IRAG1: variants seen among roughly 807,000 people sequenced by gnomAD.
IRAG1 encodes the protein inositol 1,4,5-triphosphate receptor associated 1.
Under a neutral mutation model 106.2 loss-of-function variants are expected in IRAG1, and 62 were observed. The observed-to-expected ratio is 0.58, with a 90% CI of 0.48 to 0.72. The LOEUF is 0.72. Among genes scored for constraint, IRAG1 ranks in the 30% least tolerant of loss-of-function variants. The pLI is 0.00. For missense variants in IRAG1, 1,064 were observed against 1,140.7 expected (o/e 0.93, Z 0.97); for synonymous variants, 462 against 443.9 (o/e 1.04, Z -0.51).
chr11:10,582,082 A>T, intron 18 of IRAG1, 96 bp from the exon 19 acceptor site: 2 of 1,413,150 alleles, frequency 1.4e-6, no homozygotes, highest in Non-Finnish European at 1.9e-6. Flanking sequence ...ATTAGGAGTG[A>T]GGAAACTCAG....
rs1345144180 is a variant in IRAG1 at position 10,631,982 on chromosome 11, G to A, written c.400+9C>T. 1 of 1,612,692 alleles carries A rather than the reference G, an allele frequency of 6.2e-7. No individual in the cohort carries two copies. Among genetic ancestry groups the A allele is most frequent in the Non-Finnish European group, 8.5e-7 (1 of 1,179,090 alleles). ...TACTCAACATGCCTTAGATTGCCCT[G>A]GTCCTTACCCACAGATGTCAGGGAG... is the stretch of plus-strand genomic sequence containing the variant. On this transcript the variant is annotated intron_variant, in intron 4 of 20. Coordinates refer to ENST00000423302, the MANE Select transcript of IRAG1 (RefSeq NM_130385.4).
At chr11:10,596,207 T>C (rs1416822400) in intron 15 of IRAG1, among the ~76,000 whole-genome samples, 1 of 152,250 alleles carries the variant, frequency 6.6e-6, no homozygotes, top group Non-Finnish European at 1.5e-5. Context: ...AGGTACATCC[T>C]CTAGTTGTTC....
At chr11:10,651,986 C>T (rs1290863378) in intron 2 of IRAG1, 39 bp downstream of exon 2, 15 of 1,522,666 alleles carry the variant, frequency 9.9e-6, no homozygotes, top group Non-Finnish European at 1.2e-5. Context: ...TGGCTTGGCC[C>T]CCAGCCAGGC....
chr11:10,605,367 T>C (rs894827232), intron 12 of IRAG1, among the ~76,000 whole-genome samples: 5 of 152,182 alleles, frequency 3.3e-5, no homozygotes, highest in African/African-American at 1.2e-4. Flanking sequence ...ACATGGCCCA[T>C]GGAAGGCAGT....
chr11:10,633,957 G>T lies in IRAG1; in HGVS notation c.329+11C>A. The stretch of plus-strand genomic sequence containing the variant: ...ATTGTTTGTCACAATGCAAGGATCA[G>T]GCACCTGTACCTGTTGGCCAGGTTT... On this transcript the variant is annotated intron_variant, in intron 3 of 20. Coordinates refer to ENST00000423302, the MANE Select transcript of IRAG1 (RefSeq NM_130385.4). 6.4e-7 allele frequency: 1 copy of T among 1,560,362 alleles called. No homozygotes were observed. Among genetic ancestry groups the T allele is most frequent in the Non-Finnish European group, 8.8e-7 (1 of 1,134,310 alleles).
chr11:10,625,864 G>GCCAGAGCTGCCCTGGCCAGGGGC (rs1856201822), intron 9 of IRAG1, 102 bp downstream of exon 9: 30 of 1,212,550 alleles, frequency 2.5e-5, no homozygotes, highest in Non-Finnish European at 3.2e-5. Flanking sequence ...CCAAGTCCAG[G>GCCAGAGCTGCCCTGGCCAGGGGC]CCAGAGCTGC....
At chr11:10,623,244 C>T (rs567785259) in intron 10 of IRAG1, among the ~76,000 whole-genome samples, 1 of 152,264 alleles carries the variant, frequency 6.6e-6, no homozygotes, top group South Asian at 2.1e-4. Context: ...CTACTGAGAA[C>T]ATCGGCAGAG....
chr11:10,670,576 C>T (rs1860137042), intron 1 of IRAG1, among the ~76,000 whole-genome samples: 1 of 152,190 alleles, frequency 6.6e-6, no homozygotes, highest in South Asian at 2.1e-4. Flanking sequence ...ACCAAGAAGG[C>T]TATTGCTATG....
intron 3 of IRAG1, among the ~76,000 whole-genome samples, chr11:10,633,061 C>G (rs1435749617): frequency 1.4e-5 from 2 of 146,280 alleles, no homozygotes; most frequent in Admixed American, 1.4e-4. Context: ...TTTTCCTTTT[C>G]TTTTTCTTTC....
At chr11:10,685,577 C>T (rs1861607471) in intron 1 of IRAG1, among the ~76,000 whole-genome samples, 3 of 151,750 alleles carry the variant, frequency 2.0e-5, no homozygotes, top group South Asian at 4.2e-4. Context: ...AAACATTAGC[C>T]AGGTGAGGTA....
intron 2 of IRAG1, among the ~76,000 whole-genome samples, chr11:10,646,857 C>A (rs1331165932): frequency 6.6e-6 from 1 of 152,116 alleles, no homozygotes; most frequent in Non-Finnish European, 1.5e-5. Context: ...ATGTGCCCTT[C>A]CCCTTCCTCA....
chr11:10,639,272 G>C (rs1027751583), intron 2 of IRAG1, among the ~76,000 whole-genome samples: 1 of 152,152 alleles, frequency 6.6e-6, no homozygotes, highest in African/African-American at 2.4e-5. Flanking sequence ...GCAACTTGAA[G>C]TAACCAACAA....
chr11:10,687,690 T>C (rs2135259249), intron 1 of IRAG1: 1 of 1,288,184 alleles, frequency 7.8e-7, no homozygotes. Flanking sequence ...CCACTCTCCT[T>C]GCGGTGTTTT....
chr11:10,612,203 A>C (rs1855023735), intron 10 of IRAG1, among the ~76,000 whole-genome samples: 1 of 152,130 alleles, frequency 6.6e-6, no homozygotes, highest in Non-Finnish European at 1.5e-5. Context: ...AGCCGTTGGG[A>C]AGCATTGGGT....
intron 15 of IRAG1, among the ~76,000 whole-genome samples, chr11:10,600,356 G>A (rs1195495199): frequency 6.6e-6 from 1 of 152,076 alleles, no homozygotes; most frequent in African/African-American, 2.4e-5. Context: ...CACCCTAACT[G>A]CCCAGGTTTC....
chr11:10,608,777 C>T (rs1391167986), intron 11 of IRAG1, among the ~76,000 whole-genome samples: 3 of 152,164 alleles, frequency 2.0e-5, no homozygotes, highest in African/African-American at 7.2e-5. Flanking sequence ...ATATTTCATT[C>T]TGTGGGTTGC....
At position 10,589,915 on chromosome 11, in the gene IRAG1, G is replaced by A. The variant is rs527749640; in HGVS notation, c.2240+1633C>T. On this transcript the variant is annotated intron_variant, in intron 18 of 20. Coordinates refer to ENST00000423302, the MANE Select transcript of IRAG1 (RefSeq NM_130385.4). ...ATGTTTTCATGATCCCCACTGCCTT[G>A]GACAGAAGTGCTCAACTGGCCTGGC... Among the ~76,000 whole-genome samples, 3 of 152,258 alleles carry A rather than the reference G, an allele frequency of 2.0e-5. No homozygotes were observed. In the East Asian group the frequency reaches 5.8e-4, roughly 29 times the overall value.
chr11:10,685,353 T>C (rs1861587069), intron 1 of IRAG1, among the ~76,000 whole-genome samples: 1 of 151,156 alleles, frequency 6.6e-6, no homozygotes, highest in African/African-American at 2.4e-5. Context: ...GAGGCAGAGG[T>C]TGCAGTGAGC....
At chr11:10,660,936 C>A (rs758340422) in intron 1 of IRAG1, among the ~76,000 whole-genome samples, 40 of 152,224 alleles carry the variant, frequency 2.6e-4, no homozygotes, top group Non-Finnish European at 4.8e-4. Context: ...CTCTGTGTGA[C>A]CTGAGTCACT....
Sources: allele counts gnomAD v4.1 joint callset (sites outside exome capture counted in the v4.1 genomes callset), GRCh38; gene constraint gnomAD v4.1.1; transcripts MANE v1.5; gene names NCBI Gene and HGNC (gene_info 2026-07-23, HGNC 2026-07-21).